The following CHD2 variants were observed in gnomAD, a reference collection of about 807,000 sequenced individuals.
The protein encoded by CHD2 is chromodomain helicase DNA binding protein 2, also known as ATP-dependent chromatin remodeler CHD2.
In CHD2, 28 loss-of-function variants were observed where a neutral mutation model predicts 243.9. That is an observed-to-expected ratio of 0.11 (90% CI 0.09 to 0.16). CHD2 has a LOEUF of 0.16. Among genes scored for constraint, CHD2 ranks in the 10% least tolerant of loss-of-function variants. CHD2 has a pLI of 1.00. For missense variants in CHD2, 1,386 were observed against 2,209.8 expected, an observed-to-expected ratio of 0.63 and a Z score of 7.47; for synonymous variants, 775 against 779.0, an observed-to-expected ratio of 0.99 and a Z score of 0.09.
intron 27 of CHD2, 58 bp downstream of exon 27, chr15:92,991,575 G>A (rs371869085): frequency 4.8e-5 from 61 of 1,262,386 alleles, no homozygotes; most frequent in African/African-American, 1.1e-4. Context: ...TATATAGTAC[G>A]TTCTTTTTTG....
chr15:92,921,486 G>A (rs2052954209), intron 2 of CHD2: 1 of 152,154 alleles, frequency 6.6e-6, no homozygotes, highest in African/African-American at 2.4e-5. Flanking sequence ...TCCCTTTCAA[G>A]TAGACTGCCC....
intron 16 of CHD2, among the ~76,000 whole-genome samples, chr15:92,960,705 GTT>G (rs71467745): frequency 2.3e-3 from 119 of 51,456 alleles, no homozygotes; most frequent in African/African-American, 8.9e-3. Context: ...TCTGTTTGGT[GTT>G]TTTTTTTTTT....
intron 3 of CHD2, among the ~76,000 whole-genome samples, chr15:92,926,207 A>G (rs1487055526): frequency 6.6e-6 from 1 of 152,174 alleles, no homozygotes. Context: ...TCCTGAACTC[A>G]AGCCATTCTT....
In CHD2 at chr15:92,945,799, GTC is replaced by G. The variant is rs1194067113; in HGVS notation, c.1154-20_1154-19del. ...TCTTCATTGTGTTTATAACTTTTCT[GTC>G]TTATTTTTTATTTGTTTAGCTGTGA... On this transcript the variant is annotated intron_variant, in intron 10 of 38. Transcript: ENST00000394196. The G allele has an allele frequency of 6.7e-7, 1 of 1,492,800 alleles. No homozygotes were observed. The highest frequency in any genetic ancestry group is 2.3e-5 in the East Asian group (1 of 43,330). 92.5% of individuals were successfully genotyped at this position (1,492,800 alleles called of 1,614,324 possible).
chr15:93,024,634 A>G lies in CHD2; in HGVS notation c.5416A>G (p.Arg1806Gly). The change falls in exon 39 of 39, where the codon AGG becomes GGG. Residue 1806 changes from arginine (R) to glycine (G), a missense_variant. Physicochemically the swap from Arg to Gly is moderately radical, Grantham distance 125. This residue lies in a region of CHD2 where 347 missense variants were observed against 341.6 expected (regional missense o/e 1.02). Coordinates refer to ENST00000394196, the MANE Select transcript of CHD2 (RefSeq NM_001271.4). ...CGATTCCAAGTCACCCCTGGATCAT[A>G]GGTCTCCTTTGGAGAGATCACTAGA... ...PHDSKSPLDH[R>G]SPLERSLEQK... 6.2e-7 allele frequency: 1 copy of G among 1,614,042 alleles called. No homozygotes were observed. The highest frequency in any genetic ancestry group is 8.5e-7 in the Non-Finnish European group (1 of 1,179,972).
chr15:92,915,370 G>A (rs2052814980), intron 2 of CHD2, among the ~76,000 whole-genome samples: 1 of 152,120 alleles, frequency 6.6e-6, no homozygotes, highest in Non-Finnish European at 1.5e-5. Context: ...CGCCTCCCGG[G>A]TTCACGCCAT....
chr15:92,943,371 C>T (rs561040081), intron 9 of CHD2: 5 of 324,836 alleles, frequency 1.5e-5, no homozygotes, highest in South Asian at 3.0e-5. Context: ...GGGGAGAATA[C>T]GGCACACAGC....
chr15:92,939,667 A>G lies in CHD2; in HGVS notation c.641A>G (p.Asp214Gly), dbSNP rs1291455829. Residue 214 changes from aspartate (D) to glycine (G), a missense_variant, in exon 7 of 39, where the codon GAT becomes GGT. By Grantham distance (94) the Asp-to-Gly change is moderately conservative. Transcript: ENST00000394196. ...KQDSSDEDDDDDEAPKRQTRR... is the reference protein window; with the variant it reads ...KQDSSDEDDDGDEAPKRQTRR... Reference sequence around the variant, plus strand: ...GATTCTTCTGATGAGGATGATGATGATGACGAAGCTCCCAAAAGGCAGACT... The same window carrying G: ...GATTCTTCTGATGAGGATGATGATGGTGACGAAGCTCCCAAAAGGCAGACT... 3 of 1,614,186 alleles carry G rather than the reference A, an allele frequency of 1.9e-6. No individual in the cohort carries two copies. In the South Asian group the frequency reaches 3.3e-5, roughly 18 times the overall value.
intron 37 of CHD2, among the ~76,000 whole-genome samples, chr15:93,016,560 C>T (rs944068943): frequency 6.6e-6 from 1 of 151,946 alleles, no homozygotes; most frequent in Admixed American, 6.6e-5. Context: ...TCAATAAATA[C>T]ATACAATTTT....
At chr15:92,993,789 T>C (rs2054152490) in intron 28 of CHD2, among the ~76,000 whole-genome samples, 1 of 151,892 alleles carries the variant, frequency 6.6e-6, no homozygotes, top group Non-Finnish European at 1.5e-5. Flanking sequence ...CTACAAACAG[T>C]TTAAAAATTA....
At chr15:93,000,740 T>A (rs2054244336) in intron 32 of CHD2, 100 bp downstream of exon 32, 1 of 1,258,358 alleles carries the variant, frequency 7.9e-7, no homozygotes, top group Admixed American at 2.4e-5. Flanking sequence ...GGTTTACGAG[T>A]GGATTAAATG....
chr15:92,953,238 A>T (rs2053577241), intron 13 of CHD2, 119 bp from the exon 14 acceptor site: 1 of 729,296 alleles, frequency 1.4e-6, no homozygotes, highest in Admixed American at 2.6e-5. Flanking sequence ...TTTGAGGCTT[A>T]TGAATGACAC....
rs907957868 is a variant in CHD2, at chr15:93,006,424, CT to C, written c.4413+1677del. Among the ~76,000 whole-genome samples the C allele has an allele frequency of 5.3e-5, 8 of 152,230 alleles. No individual in the cohort carries two copies. In the East Asian group the frequency reaches 5.8e-4, roughly 11 times the overall value. On this transcript the variant is annotated intron_variant, in intron 34 of 38. Transcript: ENST00000394196. ...ACAGGCGTGAGCCACCGCACCCGGC[CT>C]TTTCTCTCTCTCTTACCTCCCAGAC...
At chr15:92,961,773 T>C (rs992803012) in intron 16 of CHD2, among the ~76,000 whole-genome samples, 1 of 152,144 alleles carries the variant, frequency 6.6e-6, no homozygotes, top group African/African-American at 2.4e-5. Flanking sequence ...ATTTGTATCT[T>C]AGCTCTTTTT....
At chr15:92,906,664 CTTTT>C (rs66638937) in intron 2 of CHD2, among the ~76,000 whole-genome samples, 66 of 128,830 alleles carry the variant, frequency 5.1e-4, no homozygotes, top group South Asian at 9.7e-4. Context: ...TATGAGCCAT[CTTTT>C]TTTTTTTTTT....
In CHD2 at chr15:93,014,949, GAT is replaced by G. The variant is rs772243787; in HGVS notation, c.4906+42_4906+43del. 3.9e-5 allele frequency: 60 copies of G among 1,551,112 alleles called. 1 individual carries two copies. In the Admixed American group the frequency reaches 8.7e-4, roughly 22 times the overall value. On this transcript the variant is annotated intron_variant, in intron 37 of 38. Coordinates refer to ENST00000394196, the MANE Select transcript of CHD2 (RefSeq NM_001271.4). ...GGAGTTTTTAAAAGAGGTGCCAAAA[GAT>G]AAAAAATTCACACAGCCGTTTCATT...
chr15:92,926,373 A>G (rs1457116470), intron 3 of CHD2, among the ~76,000 whole-genome samples: 1 of 152,182 alleles, frequency 6.6e-6, no homozygotes, highest in Non-Finnish European at 1.5e-5. Context: ...CTGTAATTTG[A>G]TAACCCATAT....
chr15:92,916,577 G>A (rs548687704), intron 2 of CHD2, among the ~76,000 whole-genome samples: 1 of 151,934 alleles, frequency 6.6e-6, no homozygotes, highest in Non-Finnish European at 1.5e-5. Flanking sequence ...TTTTTGAGTT[G>A]GAGTCTCACC....
intron 23 of CHD2, 125 bp downstream of exon 23, chr15:92,981,036 GT>G (rs2053973099): frequency 1.4e-6 from 1 of 706,936 alleles, no homozygotes; most frequent in Non-Finnish European, 2.5e-6. Context: ...AGGACAGTGT[GT>G]TTTTCTTTCG....
Sources: gnomAD v4.1 joint callset for allele counts (sites outside exome capture counted in the v4.1 genomes callset) on GRCh38, gnomAD v4.1.1 for gene constraint, gnomAD v4.1.1 regional missense constraint, MANE v1.5 for transcripts, NCBI Gene and HGNC (gene_info 2026-07-23, HGNC 2026-07-21) for gene names.